The following ZPBP variants were observed in gnomAD, a reference collection of about 807,000 sequenced individuals.
ZPBP encodes zona pellucida binding protein.
ZPBP carries 26 observed loss-of-function variants against 44.8 expected under a neutral mutation model. That is an observed-to-expected ratio of 0.58 (90% CI 0.43 to 0.81). The LOEUF (loss-of-function observed/expected upper bound fraction) is 0.81. ZPBP is among the 30% of genes least tolerant of loss of function. The probability of loss-of-function intolerance (pLI) is 0.00; values close to 1 mark genes in which losing one functional copy is unlikely to be tolerated. For missense variants in ZPBP, 409 were observed against 434.0 expected, an observed-to-expected ratio of 0.94 and a Z score of 0.51; for synonymous variants, 174 against 153.2, an observed-to-expected ratio of 1.14 and a Z score of -1.00.
intron 7 of ZPBP, among the ~76,000 whole-genome samples, chr7:49,981,693 A>AT (rs1366799224): frequency 0.017 from 715 of 41,250 alleles, 227 homozygotes; most frequent in African/African-American, 0.099. Context: ...AATAATATAT[A>AT]TAATTATATA....
At chr7:49,978,533 A>T (rs1177485403) in intron 7 of ZPBP, among the ~76,000 whole-genome samples, 1 of 152,092 alleles carries the variant, frequency 6.6e-6, no homozygotes, top group Non-Finnish European at 1.5e-5. Flanking sequence ...CCTACTACGG[A>T]GAAAGTAAAC....
At chr7:49,849,060 TG>T (rs1364652896), downstream of ZPBP, among the ~76,000 whole-genome samples, 2 of 152,216 alleles carry the variant, frequency 1.3e-5, no homozygotes, top group Non-Finnish European at 2.9e-5. Context: ...ATGACAAATG[TG>T]TTGGTGCGCT....
intron 2 of ZPBP, among the ~76,000 whole-genome samples, chr7:49,859,002 A>G (rs554545474): frequency 2.4e-4 from 37 of 152,292 alleles, no homozygotes; most frequent in African/African-American, 8.9e-4. Context: ...CTTGCTAGAC[A>G]TTACTGTTGC....
chr7:49,892,031 A>ATTGTT, intron 2 of ZPBP, among the ~76,000 whole-genome samples: 1 of 53,288 alleles, frequency 1.9e-5, no homozygotes, highest in African/African-American at 7.3e-5. Context: ...GACAAAGTAG[A>ATTGTT]TTTTTTTTTT....
At chr7:49,878,464 A>G (rs1388237274) in intron 2 of ZPBP, among the ~76,000 whole-genome samples, 1 of 152,126 alleles carries the variant, frequency 6.6e-6, no homozygotes, top group African/African-American at 2.4e-5. Context: ...TAATTCTTAA[A>G]TAATGTATTT....
At chr7:49,883,126 G>T (rs1429072093) in intron 2 of ZPBP, among the ~76,000 whole-genome samples, 1 of 152,046 alleles carries the variant, frequency 6.6e-6, no homozygotes, top group Non-Finnish European at 1.5e-5. Context: ...AACTTTGAGG[G>T]GAAATGAGGA....
intron 1 of ZPBP, among the ~76,000 whole-genome samples, chr7:49,905,249 T>A (rs1219997591): frequency 2.0e-5 from 3 of 152,010 alleles, no homozygotes; most frequent in African/African-American, 2.4e-5. Context: ...GGAAAAGGGG[T>A]AAAAGACAGT....
At chr7:50,080,422 G>T (rs1802299975) in intron 3 of ZPBP, among the ~76,000 whole-genome samples, 1 of 151,622 alleles carries the variant, frequency 6.6e-6, no homozygotes, top group African/African-American at 2.4e-5. Context: ...TATTATAAGA[G>T]TGAGTAAAAT....
chr7:50,028,928 C>A (rs762817964), intron 5 of ZPBP, among the ~76,000 whole-genome samples: 60 of 152,044 alleles, frequency 3.9e-4, no homozygotes, highest in Non-Finnish European at 7.4e-4. Context: ...AAAGCTATGT[C>A]CAGATCCAAT....
intron 2 of ZPBP, among the ~76,000 whole-genome samples, chr7:49,871,734 A>C (rs1329357834): frequency 6.6e-6 from 1 of 152,148 alleles, no homozygotes; most frequent in Admixed American, 6.5e-5. Flanking sequence ...GAAAAAAATC[A>C]AAACAAATAA....
chr7:50,054,581 C>A (rs949375467), intron 4 of ZPBP, among the ~76,000 whole-genome samples: 2 of 151,850 alleles, frequency 1.3e-5, no homozygotes, highest in African/African-American at 4.8e-5. Flanking sequence ...TTCTAATTTT[C>A]TAAAATTTTT....
chr7:49,984,216 CTG>C lies in ZPBP; in HGVS notation c.784-699_784-698del, dbSNP rs540188495. ...AGCAGGGATAAATGGACCACACAGG[CTG>C]ATCTATAACTACTAATGGTGCACCT... On this transcript the variant is annotated intron_variant, in intron 6 of 7. Coordinates refer to ENST00000046087, the MANE Select transcript of ZPBP (RefSeq NM_007009.3). Among the ~76,000 whole-genome samples the C allele has an allele frequency of 2.4e-4, 37 of 152,276 alleles. No homozygotes were observed. In the East Asian group the frequency reaches 6.9e-3, roughly 29 times the overall value.
intron 2 of ZPBP, among the ~76,000 whole-genome samples, chr7:49,857,631 A>G (rs933122466): frequency 1.3e-5 from 2 of 152,208 alleles, no homozygotes; most frequent in Non-Finnish European, 2.9e-5. Flanking sequence ...ATGGCTATTA[A>G]CAAAAATCAA....
chr7:49,853,651 T>C (rs1790289468), intron 2 of ZPBP, among the ~76,000 whole-genome samples: 1 of 152,096 alleles, frequency 6.6e-6, no homozygotes. Flanking sequence ...TTATGAACGT[T>C]TGTTTTTCTT....
intron 2 of ZPBP, among the ~76,000 whole-genome samples, chr7:49,897,201 A>ATAAT (rs1792433154): frequency 6.6e-6 from 1 of 152,200 alleles, no homozygotes; most frequent in Non-Finnish European, 1.5e-5. Context: ...GGCCGGATTG[A>ATAAT]TAATTTTTTA....
At position 50,089,711 on chromosome 7, in the gene ZPBP, T is replaced by C; in HGVS notation, c.128-2A>G. Reference sequence around the variant, plus strand: ...TTGGTAATCGAACCAAGTGTCCAACTATCAAAAAAAAAGATCAACAATTTG... The same window carrying C: ...TTGGTAATCGAACCAAGTGTCCAACCATCAAAAAAAAAGATCAACAATTTG... On this transcript the variant is annotated splice_acceptor_variant, in intron 1 of 7. Transcript: ENST00000046087. LOFTEE classifies it high-confidence loss of function. 1 of 1,606,422 alleles carries C rather than the reference T, an allele frequency of 6.2e-7. No homozygotes were observed. The highest frequency in any genetic ancestry group is 8.5e-7 in the Non-Finnish European group (1 of 1,175,058).
chr7:49,946,874 T>C (rs1381289536), intron 7 of ZPBP, among the ~76,000 whole-genome samples: 1 of 152,134 alleles, frequency 6.6e-6, no homozygotes, highest in Non-Finnish European at 1.5e-5. Context: ...CTTCTAGACA[T>C]GCTTCATCTT....
chr7:49,870,149 C>T (rs1450468231), intron 2 of ZPBP, among the ~76,000 whole-genome samples: 1 of 152,106 alleles, frequency 6.6e-6, no homozygotes, highest in Non-Finnish European at 1.5e-5. Flanking sequence ...ACCTGTAATC[C>T]CAGCACTTTG....
intron 7 of ZPBP, among the ~76,000 whole-genome samples, chr7:49,981,124 G>T (rs891295018): frequency 1.4e-5 from 2 of 142,802 alleles, no homozygotes; most frequent in African/African-American, 5.2e-5. Context: ...TTTTAAAATT[G>T]TGATTATATA....
Sources: gnomAD v4.1 joint callset for allele counts (sites outside exome capture counted in the v4.1 genomes callset) on GRCh38, gnomAD v4.1.1 for gene constraint, MANE v1.5 for transcripts, NCBI Gene and HGNC (gene_info 2026-07-23, HGNC 2026-07-21) for gene names.